RARS2: variants seen among roughly 807,000 people sequenced by gnomAD.
RARS2 encodes the protein arginyl-tRNA synthetase 2, mitochondrial, also known as probable arginine--tRNA ligase, mitochondrial.
Under a neutral mutation model 88.5 loss-of-function variants are expected in RARS2, and 67 were observed. The observed-to-expected ratio is 0.76, with a 90% CI of 0.62 to 0.93. RARS2 has a LOEUF of 0.93. Among genes scored for constraint, RARS2 ranks in the 40% least tolerant of loss-of-function variants. The pLI is 0.00. For missense variants in RARS2, 664 were observed against 684.2 expected (o/e 0.97, Z 0.33); for synonymous variants, 239 against 230.3 (o/e 1.04, Z -0.34).
intron 6 of RARS2, among the ~76,000 whole-genome samples, chr6:87,545,944 CATT>C (rs1337155430): frequency 1.3e-5 from 2 of 151,618 alleles, no homozygotes; most frequent in African/African-American, 2.4e-5. Flanking sequence ...CTTTCACCTA[CATT>C]ATTAATAGGA....
At chr6:87,575,991 G>C (rs1462993333) in intron 1 of RARS2, among the ~76,000 whole-genome samples, 1 of 151,474 alleles carries the variant, frequency 6.6e-6, no homozygotes, top group Non-Finnish European at 1.5e-5. Flanking sequence ...GCAGAGACAG[G>C]GTTTCACCAT....
intron 4 of RARS2, among the ~76,000 whole-genome samples, chr6:87,556,177 G>C (rs1489154915): frequency 6.6e-6 from 1 of 151,996 alleles, no homozygotes; most frequent in Admixed American, 6.5e-5. Context: ...ACATATTCCA[G>C]GTTAGTTTTT....
chr6:87,537,252 T>C (rs577482577), intron 8 of RARS2, among the ~76,000 whole-genome samples: 15 of 152,344 alleles, frequency 9.8e-5, no homozygotes, highest in African/African-American at 3.1e-4. Context: ...GTCCCTGGTA[T>C]AGCAACTCAA....
rs1251345542 is a variant in RARS2 at position 87,530,800 on chromosome 6, T to C, written c.755A>G (p.Tyr252Cys). 1.2e-6 allele frequency: 2 copies of C among 1,614,094 alleles called. No homozygotes were observed. Among genetic ancestry groups the C allele is most frequent in the East Asian group, 4.5e-5 (2 of 44,888 alleles). The part of the protein sequence containing the change: ...QKFRDLSIEE[Y>C]IRVYKRLGVY... ...AACCAATACCTTGTAAACCCGAATG[T>C]ACTCTTCAATGCTCAAGTCCCGAAA... Residue 252 changes from tyrosine to cysteine, a missense_variant, in exon 9 of 20, where the codon TAC becomes TGC. By Grantham distance (194) the Tyr-to-Cys change is radical (BLOSUM62 -2). Coordinates refer to ENST00000369536, the MANE Select transcript of RARS2 (RefSeq NM_020320.5).
At chr6:87,533,558 T>C (rs1195514367) in intron 8 of RARS2, among the ~76,000 whole-genome samples, 1 of 152,186 alleles carries the variant, frequency 6.6e-6, no homozygotes, top group East Asian at 1.9e-4. Flanking sequence ...GCAGCATGGC[T>C]TAGTAAAGTT....
At position 87,589,945 on chromosome 6, in the gene RARS2, A is replaced by G. The variant is rs769498821; in HGVS notation, c.13T>C (p.Phe5Leu). Residue 5 changes from phenylalanine to leucine, a missense_variant, in exon 1 of 20, where the codon TTT (phenylalanine) becomes CTT (leucine). By Grantham distance (22) the Phe-to-Leu change is conservative (BLOSUM62 0). Coordinates refer to ENST00000369536, the MANE Select transcript of RARS2 (RefSeq NM_020320.5). ...ACCTGGCAAGCAATAGCGCGGCGAAAGCCGCACGCCATGTCCACCTCTACG... is the reference window on the plus strand; with the variant it reads ...ACCTGGCAAGCAATAGCGCGGCGAAGGCCGCACGCCATGTCCACCTCTACG... MACG[F>L]RRAIACQLSR... 38 of 1,612,610 alleles carry G rather than the reference A, an allele frequency of 2.4e-5. No individual in the cohort carries two copies. The African/African-American group carries it at 3.1e-4, about 13-fold the overall frequency.
At chr6:87,514,597 C>G in intron 19 of RARS2, 98 bp from the exon 20 acceptor site, 1 of 1,092,700 alleles carries the variant, frequency 9.2e-7, no homozygotes. Flanking sequence ...TAGTTTAAAG[C>G]AGGAACAATA....
At chr6:87,566,484 T>C (rs1231566609) in intron 2 of RARS2, among the ~76,000 whole-genome samples, 1 of 152,128 alleles carries the variant, frequency 6.6e-6, no homozygotes, top group Non-Finnish European at 1.5e-5. Context: ...AAAACACATT[T>C]AAAAATAAAA....
chr6:87,519,208 G>GTGTGTATATATA (rs1210109506), intron 14 of RARS2: 7 of 256,302 alleles, frequency 2.7e-5, no homozygotes, highest in African/African-American at 1.7e-4. Context: ...GTGTGTGTGT[G>GTGTGTATATATA]TATATATATA....
intron 1 of RARS2, among the ~76,000 whole-genome samples, chr6:87,589,540 T>C (rs940671305): frequency 1.3e-5 from 2 of 152,076 alleles, no homozygotes; most frequent in Non-Finnish European, 2.9e-5. Flanking sequence ...AGCTTTAAAA[T>C]GAGGTCCTTC....
At chr6:87,566,996 G>C (rs560442955) in intron 2 of RARS2, among the ~76,000 whole-genome samples, 24 of 152,194 alleles carry the variant, frequency 1.6e-4, no homozygotes, top group African/African-American at 5.8e-4. Context: ...AGCTGGTCTT[G>C]AACTCCTGAG....
chr6:87,524,802 A>G, intron 10 of RARS2, 150 bp from the exon 11 acceptor site: 1 of 661,026 alleles, frequency 1.5e-6, no homozygotes, highest in Non-Finnish European at 2.7e-6. Context: ...ACAATGGAAA[A>G]AAACAAGAAT....
intron 5 of RARS2, among the ~76,000 whole-genome samples, chr6:87,549,347 A>G (rs1182484856): frequency 6.6e-6 from 1 of 151,578 alleles, no homozygotes; most frequent in Non-Finnish European, 1.5e-5. Context: ...TGAGAGCAAA[A>G]CTCTGTCTCA....
chr6:87,562,336 G>C (rs1788094732), intron 4 of RARS2, among the ~76,000 whole-genome samples: 1 of 152,130 alleles, frequency 6.6e-6, no homozygotes, highest in Non-Finnish European at 1.5e-5. Flanking sequence ...GTATGCAACT[G>C]TATCATAATA....
intron 10 of RARS2, among the ~76,000 whole-genome samples, chr6:87,528,244 A>C (rs943210124): frequency 8.9e-5 from 3 of 33,682 alleles, no homozygotes; most frequent in African/African-American, 6.4e-4. Context: ...TTTTATAACA[A>C]AAAAAAAAAA....
At chr6:87,520,746 A>G (rs905702965) in intron 12 of RARS2, among the ~76,000 whole-genome samples, 4 of 152,206 alleles carry the variant, frequency 2.6e-5, no homozygotes, top group Non-Finnish European at 5.9e-5. Flanking sequence ...AAAAAAGCCA[A>G]TCTCAAAGGT....
chr6:87,520,339 T>C (rs1384415597), intron 12 of RARS2, 83 bp from the exon 13 acceptor site: 1 of 1,126,740 alleles, frequency 8.9e-7, no homozygotes, highest in Non-Finnish European at 1.3e-6. Flanking sequence ...CAAATTAAGA[T>C]ATTTGAGGTC....
Position 87,550,167 on chromosome 6 carries a change from T to C in RARS2, c.396-1521A>G, listed in dbSNP as rs140878313. On this transcript the variant is annotated intron_variant, in intron 5 of 19. Transcript: ENST00000369536. ...GAAAGTAAATGTCATCTTAAAGGCT[T>C]AAAAAAAAACCTTCCATTTCCAGCC... Among the ~76,000 whole-genome samples, 49 of 151,436 alleles carry C rather than the reference T, an allele frequency of 3.2e-4. No individual in the cohort carries two copies. The East Asian group carries it at 9.3e-3, about 29-fold the overall frequency.
At chr6:87,518,041 C>T in intron 17 of RARS2, 128 bp downstream of exon 17, 1 of 1,561,976 alleles carries the variant, frequency 6.4e-7, no homozygotes, top group Non-Finnish European at 8.8e-7. Context: ...CTTTTTAAGG[C>T]ATACCTTTGG....
Sources: gnomAD v4.1 joint callset for allele counts (sites outside exome capture counted in the v4.1 genomes callset) on GRCh38, gnomAD v4.1.1 for gene constraint, MANE v1.5 for transcripts, NCBI Gene and HGNC (gene_info 2026-07-23, HGNC 2026-07-21) for gene names.